Variants in WWP1 observed in about 807,000 individuals in gnomAD.
WWP1 encodes NEDD4-like E3 ubiquitin-protein ligase WWP1.
WWP1 carries 49 observed loss-of-function variants against 130.6 expected under a neutral mutation model. That is an observed-to-expected ratio of 0.38 (90% CI 0.30 to 0.48). WWP1 has a LOEUF of 0.48. Among genes scored for constraint, WWP1 ranks in the 20% least tolerant of loss-of-function variants. The pLI, the probability that WWP1 is intolerant of heterozygous loss-of-function variation, is 0.99. For missense variants in WWP1, 809 were observed against 1,100.6 expected, an observed-to-expected ratio of 0.74 and a Z score of 3.75; for synonymous variants, 332 against 367.8, an observed-to-expected ratio of 0.90 and a Z score of 1.11.
intron 22 of WWP1, among the ~76,000 whole-genome samples, chr8:86,459,023 C>CTTTTTTTTTTTTTTTTTTTTTT (rs71275853): frequency 1.4e-4 from 12 of 84,254 alleles, no homozygotes; most frequent in East Asian, 4.1e-4. Flanking sequence ...TTTCTTTTTT[C>CTTTTTTTTTTTTTTTTTTTTTT]TTTTTTTTTT....
chr8:86,414,072 A>G (rs1045487735), intron 9 of WWP1, among the ~76,000 whole-genome samples: 4 of 152,228 alleles, frequency 2.6e-5, no homozygotes, highest in Non-Finnish European at 4.4e-5. Context: ...AGTAATCTAT[A>G]TTAGTGTTTT....
At chr8:86,435,909 A>G (rs1419132506) in intron 16 of WWP1, among the ~76,000 whole-genome samples, 2 of 152,118 alleles carry the variant, frequency 1.3e-5, no homozygotes, top group East Asian at 1.9e-4. Context: ...CATGTTGCCC[A>G]GGTTGGTCTC....
intron 3 of WWP1, among the ~76,000 whole-genome samples, chr8:86,378,566 A>AG (rs1327413423): frequency 3.3e-5 from 5 of 152,324 alleles, no homozygotes; most frequent in East Asian, 3.9e-4. Context: ...TCATTAAATG[A>AG]GAAAAAAAAT....
intron 9 of WWP1, among the ~76,000 whole-genome samples, chr8:86,415,316 G>T (rs567552887): frequency 6.6e-6 from 1 of 151,998 alleles, no homozygotes; most frequent in Non-Finnish European, 1.5e-5. Flanking sequence ...ATTTACAAAT[G>T]TACAGAAAAT....
chr8:86,390,009 C>T (rs1825548970), intron 5 of WWP1, among the ~76,000 whole-genome samples: 1 of 152,044 alleles, frequency 6.6e-6, no homozygotes, highest in Admixed American at 6.5e-5. Context: ...CTCCTCACCT[C>T]CCAGAAGGGG....
At chr8:86,365,075 T>C (rs1353816162) in intron 1 of WWP1, among the ~76,000 whole-genome samples, 1 of 151,900 alleles carries the variant, frequency 6.6e-6, no homozygotes, top group African/African-American at 2.4e-5. Context: ...ATGTAAAAAT[T>C]AGAGAGTAAG....
intron 1 of WWP1, among the ~76,000 whole-genome samples, chr8:86,353,814 C>G (rs999109014): frequency 2.0e-5 from 3 of 152,176 alleles, no homozygotes; most frequent in Non-Finnish European, 2.9e-5. Flanking sequence ...TTTGTTTTCA[C>G]TGTCTCTTTG....
chr8:86,345,320 A>G (rs1822510940), intron 1 of WWP1, among the ~76,000 whole-genome samples: 1 of 152,172 alleles, frequency 6.6e-6, no homozygotes, highest in African/African-American at 2.4e-5. Flanking sequence ...AAATTTCCAT[A>G]TGCGCCTATG....
chr8:86,466,297 T>C (rs1459418528), intron 24 of WWP1, among the ~76,000 whole-genome samples: 1 of 152,216 alleles, frequency 6.6e-6, no homozygotes, highest in Non-Finnish European at 1.5e-5. Context: ...TTAGATTATT[T>C]GAAAAGACAA....
intron 14 of WWP1, among the ~76,000 whole-genome samples, chr8:86,434,986 C>T (rs2130696032): frequency 6.6e-6 from 1 of 152,264 alleles, no homozygotes; most frequent in South Asian, 2.1e-4. Flanking sequence ...CTCTCACTGA[C>T]CACGTGAACC....
At position 86,467,746 on chromosome 8, in the gene WWP1, T is replaced by C. The variant is rs1041854935; in HGVS notation, c.*853T>C. The C allele has an allele frequency of 6.6e-6, 1 of 152,184 alleles. No individual in the cohort carries two copies. The highest frequency in any genetic ancestry group is 6.5e-5 in the Admixed American group (1 of 15,282). The allele number at this position is 152,184 out of a possible 1,614,324, so 9.4% of individuals were successfully genotyped here. ...TAATAAATTGATGCAATTTCATACT[T>C]AGGAACATACAAAAGGTAATGTAAA... On this transcript the variant is annotated 3_prime_UTR_variant, in exon 25 of 25. Transcript: ENST00000517970.
intron 21 of WWP1, among the ~76,000 whole-genome samples, chr8:86,455,495 A>T (rs7846090): frequency 0.27 from 41,015 of 151,918 alleles, 6,399 homozygotes; most frequent in East Asian, 0.54. Flanking sequence ...CAATGTTAAT[A>T]CTTTAAAAAT....
intron 8 of WWP1, among the ~76,000 whole-genome samples, chr8:86,404,422 C>T (rs1563501479): frequency 1.3e-5 from 2 of 152,168 alleles, no homozygotes; most frequent in Admixed American, 6.5e-5. Context: ...TTGAGGCTTT[C>T]CTCATCATAG....
chr8:86,355,681 T>C (rs1407007940), intron 1 of WWP1, among the ~76,000 whole-genome samples: 1 of 152,198 alleles, frequency 6.6e-6, no homozygotes, highest in Non-Finnish European at 1.5e-5. Flanking sequence ...CCATTGTTTA[T>C]GTGCTTATAC....
Position 86,442,578 on chromosome 8 carries a change from A to G in WWP1, c.1839-41A>G, listed in dbSNP as rs747491029. ...ATTTAAGATCTGTTTTTAAATTCAC[A>G]TATTAATGCTAAAAAATAACCTTGA... On this transcript the variant is annotated intron_variant, in intron 17 of 24. Transcript: ENST00000517970. The G allele has an allele frequency of 4.6e-6, 7 of 1,523,368 alleles. No homozygotes were observed. In the East Asian group the frequency reaches 7.0e-5, roughly 15 times the overall value. 94.4% of individuals were successfully genotyped at this position (1,523,368 alleles called of 1,614,324 possible). A position where few individuals can be genotyped will look rare whatever the true frequency, so the allele number is the denominator to read the frequency against.
At chr8:86,446,142 C>T (rs891337301) in intron 18 of WWP1, among the ~76,000 whole-genome samples, 7 of 148,960 alleles carry the variant, frequency 4.7e-5, no homozygotes, top group Non-Finnish European at 7.4e-5. Context: ...CCACCACACT[C>T]AGCTAATTTT....
At chr8:86,461,659 T>A in intron 23 of WWP1, 115 bp from the exon 24 acceptor site, 1 of 852,092 alleles carries the variant, frequency 1.2e-6, no homozygotes, top group South Asian at 1.6e-5. Flanking sequence ...ACATTGTGAA[T>A]TTCTTTATTT....
chr8:86,371,330 G>T (rs1366084996), intron 2 of WWP1, among the ~76,000 whole-genome samples: 2 of 151,940 alleles, frequency 1.3e-5, no homozygotes, highest in Admixed American at 1.3e-4. Flanking sequence ...CTTATACTTG[G>T]TACACAGGTA....
At chr8:86,399,003 CTG>C (rs1238016135) in intron 7 of WWP1, among the ~76,000 whole-genome samples, 4 of 152,108 alleles carry the variant, frequency 2.6e-5, no homozygotes, top group Non-Finnish European at 4.4e-5. Flanking sequence ...TCTACTTTTT[CTG>C]TGTCTGTGGA....
Sources: allele counts gnomAD v4.1 joint callset (sites outside exome capture counted in the v4.1 genomes callset), GRCh38; gene constraint gnomAD v4.1.1; transcripts MANE v1.5; gene names NCBI Gene and HGNC (gene_info 2026-07-23, HGNC 2026-07-21).